Variants in RIPOR2 observed in about 807,000 individuals in gnomAD.
RIPOR2 encodes the protein rho family-interacting cell polarization regulator 2.
RIPOR2 carries 39 observed loss-of-function variants against 114.5 expected under a neutral mutation model. The observed-to-expected ratio is 0.34, with a 90% CI of 0.26 to 0.44. The LOEUF (loss-of-function observed/expected upper bound fraction) is 0.44, where lower values mean the gene tolerates loss of function less well. Among genes scored for constraint, RIPOR2 ranks in the 20% least tolerant of loss-of-function variants. The pLI is 1.00. For missense variants in RIPOR2, 1,007 were observed against 1,255.1 expected, an observed-to-expected ratio of 0.80 and a Z score of 2.99; for synonymous variants, 445 against 484.4, an observed-to-expected ratio of 0.92 and a Z score of 1.07.
rs370413269 is a variant in RIPOR2 at position 24,843,250 on chromosome 6, G to T, written c.1469C>A (p.Pro490His). 3.7e-6 allele frequency: 6 copies of T among 1,613,896 alleles called. No individual in the cohort carries two copies. The highest frequency in any genetic ancestry group is 4.2e-6 in the Non-Finnish European group (5 of 1,179,890). ...GCAAGCCTCAGATGGGGCCGAGGCAGGTTTTCTGGGCTCCTCTGGGTCTTC... is the reference window on the plus strand; with the variant it reads ...GCAAGCCTCAGATGGGGCCGAGGCATGTTTTCTGGGCTCCTCTGGGTCTTC... Reference protein sequence around the residue: ...KEEDPEEPRKPASAPSEACRR... With the variant: ...KEEDPEEPRKHASAPSEACRR... The change falls in exon 13 of 22, where the codon CCT (proline) becomes CAT (histidine). Residue 490 changes from proline (P) to histidine (H), a missense_variant. Pro to His is a moderately conservative substitution (Grantham distance 77, BLOSUM62 -2). Transcript: ENST00000643898.
intron 1 of RIPOR2, among the ~76,000 whole-genome samples, chr6:25,012,792 A>G (rs1042829633): frequency 1.3e-5 from 2 of 152,192 alleles, no homozygotes; most frequent in African/African-American, 4.8e-5. Flanking sequence ...TGGTGAAAAC[A>G]TTTTGCAATT....
At chr6:24,822,601 C>G (rs1179489879) in intron 19 of RIPOR2, among the ~76,000 whole-genome samples, 2 of 152,152 alleles carry the variant, frequency 1.3e-5, no homozygotes, top group Non-Finnish European at 2.9e-5. Context: ...TCACTGCAAC[C>G]TTCGCCTCCT....
chr6:25,001,737 T>G, intron 1 of RIPOR2, among the ~76,000 whole-genome samples: 2 of 139,830 alleles, frequency 1.4e-5, no homozygotes, highest in African/African-American at 5.2e-5. Flanking sequence ...TCTCGCTCTG[T>G]CGCCCAGGCT....
intron 18 of RIPOR2, among the ~76,000 whole-genome samples, chr6:24,826,495 T>TTC (rs1491352426): frequency 1.7e-5 from 1 of 57,454 alleles, no homozygotes; most frequent in East Asian, 1.9e-3. Flanking sequence ...TTTATTTAGA[T>TTC]TTTTTTTTTT....
At chr6:24,916,128 A>G (rs946765369) in intron 1 of RIPOR2, among the ~76,000 whole-genome samples, 1 of 152,154 alleles carries the variant, frequency 6.6e-6, no homozygotes, top group East Asian at 1.9e-4. Flanking sequence ...ACATTTGACA[A>G]TTCCTGCTTC....
chr6:24,937,039 C>A (rs1000191620), upstream of RIPOR2, among the ~76,000 whole-genome samples: 2 of 152,176 alleles, frequency 1.3e-5, no homozygotes, highest in African/African-American at 4.8e-5. Context: ...AGACTGTGGA[C>A]AACAGGGTTG....
At chr6:24,962,559 A>T (rs1436547192) in intron 1 of RIPOR2, among the ~76,000 whole-genome samples, 6 of 152,238 alleles carry the variant, frequency 3.9e-5, no homozygotes. Context: ...ATTTAATGCC[A>T]TGGATATATC....
intron 1 of RIPOR2, among the ~76,000 whole-genome samples, chr6:24,918,189 TATCCCCTGC>T (rs1770227647): frequency 6.6e-6 from 1 of 152,114 alleles, no homozygotes; most frequent in African/African-American, 2.4e-5. Context: ...TGGGCCCCAG[TATCCCCTGC>T]ATCCCCATCC....
chr6:24,856,620 T>C (rs991628783), intron 8 of RIPOR2, among the ~76,000 whole-genome samples: 4 of 152,110 alleles, frequency 2.6e-5, no homozygotes, highest in East Asian at 1.9e-4. Context: ...CCGGGTGCGA[T>C]GGTGGGCATC....
At position 24,975,564 on chromosome 6, in the gene RIPOR2, T is replaced by A. The variant is rs1774005853; in HGVS notation, c.76+66287A>T. On this transcript the variant is annotated intron_variant, in intron 1 of 13. Transcript: ENST00000510784. ...CAGGCCCAGTGGTGCACACCTGTAGTCCCAGCTACTCGGGAGTCTGAGGCA... is the reference window on the plus strand; with the variant it reads ...CAGGCCCAGTGGTGCACACCTGTAGACCCAGCTACTCGGGAGTCTGAGGCA... 1.3e-5 allele frequency among the ~76,000 whole-genome samples: 2 copies of A among 152,158 alleles called. 1 individual carries two copies. The highest frequency in any genetic ancestry group is 4.1e-4 in the South Asian group (2 of 4,832).
intron 1 of RIPOR2, among the ~76,000 whole-genome samples, chr6:25,013,365 T>C (rs561883557): frequency 9.2e-5 from 14 of 152,170 alleles, no homozygotes; most frequent in African/African-American, 2.9e-4. Flanking sequence ...CATCTGCAAC[T>C]CCCCTGTGCA....
intron 10 of RIPOR2, 34 bp from the exon 11 acceptor site, chr6:24,849,984 A>C (rs377504749): frequency 1.1e-5 from 18 of 1,586,474 alleles, no homozygotes; most frequent in East Asian, 9.0e-5. Flanking sequence ...TAGGCCTTAC[A>C]TCACAGCAGA....
intron 1 of RIPOR2, among the ~76,000 whole-genome samples, chr6:24,923,025 C>A (rs961603048): frequency 6.6e-6 from 1 of 152,188 alleles, no homozygotes; most frequent in Admixed American, 6.5e-5. Context: ...CCCTTTAAAG[C>A]AATTCCCTGC....
At chr6:24,993,057 T>A (rs1774895687) in intron 1 of RIPOR2, among the ~76,000 whole-genome samples, 1 of 152,196 alleles carries the variant, frequency 6.6e-6, no homozygotes, top group African/African-American at 2.4e-5. Context: ...AATATTTTGT[T>A]GTTTGTATTT....
intron 1 of RIPOR2, among the ~76,000 whole-genome samples, chr6:24,886,093 G>A (rs73400413): frequency 8.2e-4 from 124 of 152,140 alleles, no homozygotes; most frequent in African/African-American, 2.6e-3. Flanking sequence ...TTCATTCGTC[G>A]ACATCTGCCA....
At chr6:24,887,159 A>G (rs1012945940) in intron 1 of RIPOR2, among the ~76,000 whole-genome samples, 26 of 152,220 alleles carry the variant, frequency 1.7e-4, no homozygotes, top group Non-Finnish European at 3.7e-4. Flanking sequence ...AAAACTTTGA[A>G]TTACTGATGG....
chr6:24,956,238 G>A (rs987723493), intron 1 of RIPOR2, among the ~76,000 whole-genome samples: 5 of 151,980 alleles, frequency 3.3e-5, no homozygotes, highest in East Asian at 1.9e-4. Context: ...AAATTATTCC[G>A]CACATGCTAT....
chr6:24,818,497 G>C (rs1759378047), intron 20 of RIPOR2, 45 bp downstream of exon 20: 1 of 1,260,892 alleles, frequency 7.9e-7, no homozygotes, highest in East Asian at 2.5e-5. Flanking sequence ...AGCTTAGCCT[G>C]GCTCCAAGCT....
intron 1 of RIPOR2, among the ~76,000 whole-genome samples, chr6:25,009,919 G>A (rs1367283055): frequency 6.6e-6 from 1 of 152,112 alleles, no homozygotes; most frequent in Non-Finnish European, 1.5e-5. Context: ...AAGGCCCTGT[G>A]GTGTGGCATG....
Sources: gnomAD v4.1 joint callset for allele counts (sites outside exome capture counted in the v4.1 genomes callset) on GRCh38, gnomAD v4.1.1 for gene constraint, MANE v1.5 for transcripts, NCBI Gene and HGNC (gene_info 2026-07-23, HGNC 2026-07-21) for gene names.